Variants in BRCA2 observed in about 807,000 individuals in gnomAD.
BRCA2 encodes breast cancer type 2 susceptibility protein.
BRCA2 carries 203 observed loss-of-function variants against 276.7 expected under a neutral mutation model. The observed-to-expected ratio is 0.73, with a 90% CI of 0.65 to 0.82. The LOEUF (loss-of-function observed/expected upper bound fraction) is 0.82, where lower values mean the gene tolerates loss of function less well. Among genes scored for constraint, BRCA2 ranks in the 40% least tolerant of loss-of-function variants. The probability of loss-of-function intolerance (pLI) is 0.00; values close to 1 mark genes in which losing one functional copy is unlikely to be tolerated. For synonymous variants in BRCA2, 1,289 were observed against 1,338.4 expected, an observed-to-expected ratio of 0.96 and a Z score of 0.81; for missense variants, 3,920 against 3,915.0, an observed-to-expected ratio of 1.00 and a Z score of -0.03.
At chr13:32,365,969 C>CT (rs951249782) in intron 18 of BRCA2, among the ~76,000 whole-genome samples, 4 of 151,310 alleles carry the variant, frequency 2.6e-5, no homozygotes, top group South Asian at 4.2e-4. Context: ...ATTTGATTGT[C>CT]TTTTTTTATT....
intron 18 of BRCA2, 70 bp from the exon 19 acceptor site, chr13:32,370,332 C>G (rs1376599616): frequency 1.4e-6 from 2 of 1,457,936 alleles, no homozygotes; most frequent in Admixed American, 1.7e-5. Flanking sequence ...AATGAAAACT[C>G]TTATGATATC....
rs876658320 is a variant in BRCA2, at chr13:32,336,444, A to G, written c.2089A>G (p.Lys697Glu). 1 of 1,613,940 alleles carries G rather than the reference A, an allele frequency of 6.2e-7. No homozygotes were observed. The highest frequency in any genetic ancestry group is 2.2e-5 in the East Asian group (1 of 44,870). Residue 697 changes from lysine (K) to glutamate (E), a missense_variant, in exon 11 of 27, where the codon AAA becomes GAA. Physicochemically the swap from Lys to Glu is moderately conservative, Grantham distance 56 (BLOSUM62 1). This residue lies in a region of BRCA2 where 3,263 missense variants were observed against 3,156.9 expected (regional missense o/e 1.03). Transcript: ENST00000380152. ...DYKEAKCNKE[K>E]LQLFITPEAD... ...TAAAGAAGCAAAATGTAATAAGGAAAAACTACAGTTATTTATTACCCCAGA... is the reference window on the plus strand; with the variant it reads ...TAAAGAAGCAAAATGTAATAAGGAAGAACTACAGTTATTTATTACCCCAGA...
At chr13:32,362,426 G>A (rs1593923783) in intron 16 of BRCA2, 97 bp from the exon 17 acceptor site, 1 of 1,207,764 alleles carries the variant, frequency 8.3e-7, no homozygotes, top group East Asian at 2.4e-5. Flanking sequence ...TAATGATCTT[G>A]AACAATGTAG....
intron 7 of BRCA2, 149 bp from the exon 8 acceptor site, chr13:32,329,294 A>G: frequency 1.7e-6 from 1 of 603,940 alleles, no homozygotes; most frequent in Non-Finnish European, 3.0e-6. Context: ...TGACCTTTCT[A>G]ATTACTATAC....
chr13:32,343,058 A>AAG (rs2137534292), intron 11 of BRCA2, among the ~76,000 whole-genome samples: 1 of 152,218 alleles, frequency 6.6e-6, no homozygotes, highest in South Asian at 2.1e-4. Flanking sequence ...GAAAAAAAAA[A>AAG]AAAATCTTAT....
At chr13:32,365,732 T>TTC (rs1354127004) in intron 18 of BRCA2, among the ~76,000 whole-genome samples, 167 of 150,458 alleles carry the variant, frequency 1.1e-3, no homozygotes, top group African/African-American at 3.7e-3. Context: ...TTTTTTTTTT[T>TTC]TTTTTTTTTT....
intron 24 of BRCA2, among the ~76,000 whole-genome samples, chr13:32,394,104 C>G (rs1219236760): frequency 6.6e-6 from 1 of 152,186 alleles, no homozygotes; most frequent in Non-Finnish European, 1.5e-5. Flanking sequence ...TCCTGGAGAT[C>G]AGTTCATAGA....
intron 3 of BRCA2, among the ~76,000 whole-genome samples, chr13:32,324,686 G>A (rs573301340): frequency 7.9e-5 from 12 of 152,256 alleles, no homozygotes; most frequent in Non-Finnish European, 1.2e-4. Context: ...TTCCCAGGCT[G>A]GAATACAGTG....
intron 20 of BRCA2, among the ~76,000 whole-genome samples, chr13:32,373,719 T>C (rs1345917256): frequency 6.6e-6 from 1 of 152,090 alleles, no homozygotes; most frequent in Non-Finnish European, 1.5e-5. Flanking sequence ...TGGGCTGCCA[T>C]TGAGTGACAG....
intron 4 of BRCA2, 23 bp from the exon 5 acceptor site, chr13:32,326,078 G>T (rs2137449172): frequency 6.3e-7 from 1 of 1,596,706 alleles, no homozygotes; most frequent in Admixed American, 1.7e-5. Context: ...ATAACCTAAG[G>T]GATTTGCTTT....
In BRCA2 at chr13:32,340,074, T is replaced by G. The variant is rs753445027; in HGVS notation, c.5719T>G (p.Ser1907Ala). The part of the protein sequence containing the change: ...LDDSEDILHN[S>A]LDNDECSTHS... The stretch of plus-strand genomic sequence containing the variant: ...TGATTCAGAGGATATTCTTCATAAC[T>G]CTCTAGATAATGATGAATGTAGCAC... Residue 1907 changes from serine to alanine, a missense_variant, in exon 11 of 27, where the codon TCT (serine) becomes GCT (alanine). Ser to Ala is a moderately conservative substitution (Grantham distance 99). Coordinates refer to ENST00000380152, the MANE Select transcript of BRCA2 (RefSeq NM_000059.4). 16 of 1,613,686 alleles carry G rather than the reference T, an allele frequency of 9.9e-6. No individual in the cohort carries two copies. In the South Asian group the frequency reaches 1.6e-4, roughly 17 times the overall value.
At chr13:32,377,232 A>G (rs1266243087) in intron 21 of BRCA2, among the ~76,000 whole-genome samples, 2 of 152,166 alleles carry the variant, frequency 1.3e-5, no homozygotes, top group Admixed American at 6.5e-5. Flanking sequence ...CCGAAGCACT[A>G]AACTGTTAGA....
At chr13:32,325,689 C>T (rs954345653) in intron 4 of BRCA2, among the ~76,000 whole-genome samples, 28 of 151,808 alleles carry the variant, frequency 1.8e-4, no homozygotes, top group African/African-American at 5.8e-4. Context: ...TACAGGCGCC[C>T]GCCACCATGC....
At chr13:32,378,115 G>GTC (rs2072886237) in intron 21 of BRCA2, among the ~76,000 whole-genome samples, 1 of 152,148 alleles carries the variant, frequency 6.6e-6, no homozygotes. Flanking sequence ...ATTTGTTGAA[G>GTC]CTTGTGCATT....
At chr13:32,372,644 A>G (rs1018086251) in intron 20 of BRCA2, among the ~76,000 whole-genome samples, 2 of 152,146 alleles carry the variant, frequency 1.3e-5, no homozygotes, top group Admixed American at 6.5e-5. Flanking sequence ...ACAATTTGAG[A>G]TGAGATTTGG....
In BRCA2 at chr13:32,356,551, G is replaced by C. The variant is rs80358982; in HGVS notation, c.7559G>C (p.Arg2520Pro). The part of the protein sequence containing the change: ...LYLAKTSTLP[R>P]ISLKAAVGGQ... ...CTTGCAAAAACATCCACTCTGCCTCGAATCTCTCTGAAAGCAGCAGTAGGA... is the reference window on the plus strand; with the variant it reads ...CTTGCAAAAACATCCACTCTGCCTCCAATCTCTCTGAAAGCAGCAGTAGGA... The change falls in exon 15 of 27, where the codon CGA becomes CCA. Residue 2520 changes from arginine (R) to proline (P), a missense_variant. By Grantham distance (103) the Arg-to-Pro change is moderately radical (BLOSUM62 -2). Coordinates refer to ENST00000380152, the MANE Select transcript of BRCA2 (RefSeq NM_000059.4). 3 of 1,614,152 alleles carry C rather than the reference G, an allele frequency of 1.9e-6. No homozygotes were observed. Among genetic ancestry groups the C allele is most frequent in the Non-Finnish European group, 2.5e-6 (3 of 1,180,034 alleles).
intron 6 of BRCA2, 72 bp from the exon 7 acceptor site, chr13:32,326,427 G>A (rs759861270): frequency 7.6e-6 from 11 of 1,452,678 alleles, no homozygotes; most frequent in Admixed American, 3.4e-5. Flanking sequence ...GAAATAAAGA[G>A]TGAATGAAAA....
intron 13 of BRCA2, among the ~76,000 whole-genome samples, chr13:32,352,105 G>A (rs908103920): frequency 2.0e-5 from 3 of 151,992 alleles, no homozygotes; most frequent in African/African-American, 7.2e-5. Flanking sequence ...CAGGCCTAAT[G>A]TTACCTTTTC....
intron 14 of BRCA2, among the ~76,000 whole-genome samples, chr13:32,355,691 G>A (rs959479898): frequency 2.0e-5 from 3 of 151,892 alleles, no homozygotes; most frequent in African/African-American, 4.8e-5. Flanking sequence ...GTGAAACCCT[G>A]TCTCTACTAA....
Sources: allele counts gnomAD v4.1 joint callset (sites outside exome capture counted in the v4.1 genomes callset), GRCh38; gene constraint gnomAD v4.1.1; regional missense constraint gnomAD v4.1.1; transcripts MANE v1.5; gene names NCBI Gene and HGNC (gene_info 2026-07-23, HGNC 2026-07-21).